Variants in EXTL3 observed in about 807,000 individuals in gnomAD.
EXTL3 encodes exostosin-like 3.
In EXTL3, 27 loss-of-function variants were observed where a neutral mutation model predicts 69.3. That is an observed-to-expected ratio of 0.39 (90% CI 0.29 to 0.54). EXTL3 has a LOEUF of 0.54. Ranked by LOEUF, EXTL3 falls within the 20% of genes least tolerant of loss-of-function variation. EXTL3 has a pLI of 0.69. For synonymous variants in EXTL3, 511 were observed against 499.4 expected, an observed-to-expected ratio of 1.02 and a Z score of -0.31; for missense variants, 1,003 against 1,231.8, an observed-to-expected ratio of 0.81 and a Z score of 2.78.
chr8:28,718,375 T>G (rs1157521623), intron 3 of EXTL3, among the ~76,000 whole-genome samples, 168 bp downstream of exon 3: 1 of 152,194 alleles, frequency 6.6e-6, no homozygotes, highest in Non-Finnish European at 1.5e-5. Context: ...GTTTGCTTGC[T>G]GCTTTTTCAA....
chr8:28,729,156 A>G (rs1183884013), intron 3 of EXTL3, among the ~76,000 whole-genome samples: 3 of 151,692 alleles, frequency 2.0e-5, no homozygotes, highest in Admixed American at 2.0e-4. Flanking sequence ...TTAGCTGGGC[A>G]TGGTGGTATC....
intron 3 of EXTL3, among the ~76,000 whole-genome samples, chr8:28,726,889 T>TC (rs1232253869): frequency 1.5e-5 from 2 of 129,526 alleles, no homozygotes; most frequent in African/African-American, 5.9e-5. Context: ...CTTTTTTTTT[T>TC]TTTTTTTTTT....
intron 3 of EXTL3, among the ~76,000 whole-genome samples, chr8:28,720,942 G>A (rs1004960672): frequency 3.9e-5 from 6 of 152,138 alleles, no homozygotes; most frequent in African/African-American, 1.4e-4. Flanking sequence ...ACTATGTTGG[G>A]GACCACCACT....
At chr8:28,747,822 G>A (rs542806972) in intron 6 of EXTL3, among the ~76,000 whole-genome samples, 42 of 148,022 alleles carry the variant, frequency 2.8e-4, no homozygotes, top group Admixed American at 2.6e-3. Context: ...TCTGCCTCCC[G>A]GGTTCAAGTG....
upstream of EXTL3, chr8:28,622,584 G>T (rs1272740148): frequency 6.6e-6 from 1 of 150,746 alleles, no homozygotes; most frequent in African/African-American, 2.4e-5. Flanking sequence ...GGGCGGGGCC[G>T]GGAGCCGCCG....
intron 4 of EXTL3, among the ~76,000 whole-genome samples, chr8:28,734,343 A>C (rs914933367): frequency 6.6e-5 from 10 of 152,178 alleles, no homozygotes; most frequent in African/African-American, 2.4e-4. Flanking sequence ...CAGGCAGTTC[A>C]TTTTTGTTGT....
rs1801174539 is a variant in EXTL3 at position 28,717,205 on chromosome 8, C to T, written c.1146C>T (p.Thr382=). 1 of 1,614,098 alleles carries T rather than the reference C, an allele frequency of 6.2e-7. No homozygotes were observed. The highest frequency in any genetic ancestry group is 1.3e-5 in the African/African-American group (1 of 74,934). ...PADYDDRIIA[T]LKAVQDSKLD... ...ACTACGATGACCGGATCATTGCCAC[C>T]CTGAAGGCGGTGCAGGACAGCAAGC... is the stretch of plus-strand genomic sequence containing the variant. The change falls in exon 3 of 7, where the codon ACC becomes ACT. Residue 382 remains threonine, a synonymous_variant. Transcript: ENST00000220562. This position sits in a 1 kb window ranked among gnomAD's most constrained non-coding sequence, Gnocchi z 8.3.
At position 28,743,227 on chromosome 8, in the gene EXTL3, C is replaced by T. The variant is rs766617724; in HGVS notation, c.2550+13C>T. 13 of 1,614,032 alleles carry T rather than the reference C, an allele frequency of 8.1e-6. No homozygotes were observed. The Admixed American group carries it at 1.7e-4, about 21-fold the overall frequency. On this transcript the variant is annotated intron_variant, in intron 6 of 6. Coordinates refer to ENST00000220562, the MANE Select transcript of EXTL3 (RefSeq NM_001440.4). ...GCCCCCCATCAAGGTGAGGTCCCAC[C>T]ACTGGTGGGGCTGTGGATGCGTGCA...
intron 1 of EXTL3, among the ~76,000 whole-genome samples, chr8:28,687,347 T>C (rs1807593736): frequency 6.6e-6 from 1 of 152,094 alleles, no homozygotes; most frequent in Non-Finnish European, 1.5e-5. Context: ...GCGCCTGTAA[T>C]CCCAGCTACT....
Position 28,737,546 on chromosome 8 carries a change from C to A in EXTL3, c.2304C>A (p.Ile768=). ...TGTGGAGAGAAGCTCGGGACCGCAT[C>A]GTGGGCTTCCCTGGCCGTTACCACG... ...FRVWREARDR[I]VGFPGRYHAW... Residue 768 remains isoleucine (I), a synonymous_variant, in exon 5 of 7, where the codon ATC becomes ATA. Transcript: ENST00000220562. 1 of 1,614,014 alleles carries A rather than the reference C, an allele frequency of 6.2e-7. No homozygotes were observed. The highest frequency in any genetic ancestry group is 1.1e-5 in the South Asian group (1 of 91,078).
upstream of EXTL3, among the ~76,000 whole-genome samples, chr8:28,621,468 C>A (rs1806408615): frequency 6.6e-6 from 1 of 152,190 alleles, no homozygotes; most frequent in East Asian, 1.9e-4. Flanking sequence ...AGACAGCACA[C>A]GTCTGCTGAT....
intron 1 of EXTL3, among the ~76,000 whole-genome samples, chr8:28,689,157 C>A (rs1800570556): frequency 6.6e-6 from 1 of 152,170 alleles, no homozygotes; most frequent in Non-Finnish European, 1.5e-5. Flanking sequence ...TGGAGCTCAG[C>A]CCCTTGCAGT....
intron 1 of EXTL3, among the ~76,000 whole-genome samples, chr8:28,656,455 G>A (rs142633697): frequency 1.9e-3 from 285 of 152,216 alleles, no homozygotes; most frequent in African/African-American, 6.5e-3. Context: ...GAGCCACTGC[G>A]CCCAACCTGT....
In EXTL3 at chr8:28,726,738, A is replaced by C. The variant is rs563332055; in HGVS notation, c.2149-4485A>C. ...TTCAGACATTGCCACATGTAGCCCGAGGCAAAATTGTTCCTGGTTGAGAAC... is the reference window on the plus strand; with the variant it reads ...TTCAGACATTGCCACATGTAGCCCGCGGCAAAATTGTTCCTGGTTGAGAAC... On this transcript the variant is annotated intron_variant, in intron 3 of 6. Coordinates refer to ENST00000220562, the MANE Select transcript of EXTL3 (RefSeq NM_001440.4). Among the ~76,000 whole-genome samples the C allele has an allele frequency of 2.6e-5, 4 of 152,204 alleles. No individual in the cohort carries two copies. In the East Asian group the frequency reaches 7.7e-4, roughly 29 times the overall value.
intron 1 of EXTL3, among the ~76,000 whole-genome samples, chr8:28,655,029 C>T (rs1280513068): frequency 6.6e-6 from 1 of 152,152 alleles, no homozygotes; most frequent in African/African-American, 2.4e-5. Context: ...CATCATTTAC[C>T]TTGTGTTTGT....
intron 1 of EXTL3, among the ~76,000 whole-genome samples, chr8:28,702,113 C>A (rs1037002635): frequency 2.6e-5 from 4 of 152,220 alleles, no homozygotes; most frequent in African/African-American, 9.6e-5. Context: ...GGCGGAGGCG[C>A]AGCTCCGGAC....
At chr8:28,707,369 C>A (rs990484827) in intron 1 of EXTL3, among the ~76,000 whole-genome samples, 11 of 152,180 alleles carry the variant, frequency 7.2e-5, no homozygotes, top group Admixed American at 5.9e-4. Flanking sequence ...TGACAGTACT[C>A]CCATGTGGCT....
chr8:28,683,658 C>CA (rs1221874312), intron 1 of EXTL3, among the ~76,000 whole-genome samples: 19 of 151,946 alleles, frequency 1.3e-4, no homozygotes, highest in Non-Finnish European at 2.5e-4. Flanking sequence ...ACTAAAAATA[C>CA]AAAAAATTAG....
chr8:28,676,808 C>T (rs1028696966), intron 1 of EXTL3, among the ~76,000 whole-genome samples: 2 of 152,138 alleles, frequency 1.3e-5, no homozygotes, highest in South Asian at 4.1e-4. Flanking sequence ...CTCAGACCCC[C>T]GTGTGCCTAA....
Sources: gnomAD v4.1 joint callset for allele counts (sites outside exome capture counted in the v4.1 genomes callset) on GRCh38, gnomAD v4.1.1 for gene constraint, Gnocchi (gnomAD v3.1) non-coding constraint, MANE v1.5 for transcripts, NCBI Gene and HGNC (gene_info 2026-07-23, HGNC 2026-07-21) for gene names.